SLC25A31: variants seen among roughly 807,000 people sequenced by gnomAD.
The protein encoded by SLC25A31 is solute carrier family 25 member 31.
Under a neutral mutation model 36.2 loss-of-function variants are expected in SLC25A31, and 40 were observed. The ratio of observed to expected loss-of-function variants is 1.10; its 90% CI spans 0.86 to 1.44. The LOEUF (loss-of-function observed/expected upper bound fraction) is 1.44, where lower values mean the gene tolerates loss of function less well. SLC25A31 is among the 40% of genes most tolerant of loss of function. The pLI is 0.00. For missense variants in SLC25A31, 350 were observed against 397.1 expected, an observed-to-expected ratio of 0.88 and a Z score of 1.01; for synonymous variants, 143 against 149.7, an observed-to-expected ratio of 0.96 and a Z score of 0.32.
At chr4:127,744,583 G>A (rs1731788753) in intron 1 of SLC25A31, 89 bp from the exon 2 acceptor site, 1 of 1,136,386 alleles carries the variant, frequency 8.8e-7, no homozygotes, top group Non-Finnish European at 1.2e-6. Context: ...GTATGTTTTA[G>A]ATAGTTCATA....
In SLC25A31 at chr4:127,765,583, G is replaced by A. The variant is rs138407368; in HGVS notation, c.478+1223G>A. 1.8e-4 allele frequency among the ~76,000 whole-genome samples: 27 copies of A among 152,146 alleles called. No individual in the cohort carries two copies. In the East Asian group the frequency reaches 2.1e-3, roughly 12 times the overall value. On this transcript the variant is annotated intron_variant, in intron 3 of 5. Transcript: ENST00000281154. ...AGGGCGTGTGTGAGTGTGTATATGC[G>A]TATATATATGCACACATATTCACAC...
chr4:127,767,328 G>A (rs1365921672), intron 4 of SLC25A31, 108 bp downstream of exon 4: 6 of 1,089,040 alleles, frequency 5.5e-6, no homozygotes, highest in African/African-American at 1.6e-5. Context: ...ATAAAAATCA[G>A]TGATGAAAAA....
intron 3 of SLC25A31, 90 bp from the exon 4 acceptor site, chr4:127,766,976 A>C (rs980208442): frequency 7.1e-6 from 8 of 1,125,322 alleles, no homozygotes; most frequent in Non-Finnish European, 5.9e-6. Flanking sequence ...TGGGAATTTC[A>C]GATCATTTAG....
chr4:127,773,270 T>C (rs1015832136), intron 5 of SLC25A31, 116 bp from the exon 6 acceptor site: 2 of 888,838 alleles, frequency 2.3e-6, no homozygotes, highest in African/African-American at 1.7e-5. Flanking sequence ...ATATGCCTAT[T>C]AACACAGTGC....
intron 1 of SLC25A31, among the ~76,000 whole-genome samples, chr4:127,737,705 C>T (rs540673787): frequency 6.6e-6 from 1 of 152,218 alleles, no homozygotes; most frequent in East Asian, 1.9e-4. Flanking sequence ...GCACATGCCA[C>T]CATGGCAGCT....
chr4:127,765,375 C>T (rs757690121), intron 3 of SLC25A31, among the ~76,000 whole-genome samples: 8 of 152,184 alleles, frequency 5.3e-5, no homozygotes, highest in Non-Finnish European at 8.8e-5. Flanking sequence ...ATTACCACTC[C>T]TCCCTATTCT....
intron 2 of SLC25A31, among the ~76,000 whole-genome samples, chr4:127,749,127 G>A (rs1193564907): frequency 6.7e-6 from 1 of 149,762 alleles, no homozygotes; most frequent in Non-Finnish European, 1.5e-5. Flanking sequence ...AGAATACAGT[G>A]ACAGAACTGA....
intron 5 of SLC25A31, among the ~76,000 whole-genome samples, chr4:127,770,830 A>G (rs1254899684): frequency 6.6e-6 from 1 of 152,000 alleles, no homozygotes; most frequent in Non-Finnish European, 1.5e-5. Context: ...TCTGAAGGCT[A>G]CAAGTCTGAG....
At chr4:127,770,154 T>C (rs1732325470) in intron 5 of SLC25A31, among the ~76,000 whole-genome samples, 1 of 152,234 alleles carries the variant, frequency 6.6e-6, no homozygotes, top group South Asian at 2.1e-4. Flanking sequence ...ATTCCATTTA[T>C]GTCTGTGTTT....
intron 2 of SLC25A31, among the ~76,000 whole-genome samples, chr4:127,746,108 C>G (rs982409426): frequency 3.3e-5 from 5 of 152,126 alleles, no homozygotes; most frequent in African/African-American, 1.2e-4. Flanking sequence ...GCCTCAAACT[C>G]TGTTCATGTT....
Position 127,740,912 on chromosome 4 carries a change from G to A in SLC25A31, c.233-3760G>A, listed in dbSNP as rs1307060377. 2.0e-5 allele frequency among the ~76,000 whole-genome samples: 3 copies of A among 152,170 alleles called. No homozygotes were observed. In the East Asian group the frequency reaches 5.8e-4, roughly 29 times the overall value. On this transcript the variant is annotated intron_variant, in intron 1 of 5. Transcript: ENST00000281154. The stretch of plus-strand genomic sequence containing the variant: ...AGGTGAGTGGGTGCTCCAAATGCCT[G>A]GATATCTCTTCAGTTTCTTTCATCA...
intron 3 of SLC25A31, among the ~76,000 whole-genome samples, chr4:127,766,342 A>G (rs1732243618): frequency 1.3e-5 from 2 of 151,318 alleles, no homozygotes; most frequent in Non-Finnish European, 2.9e-5. Context: ...TAATTTTTGT[A>G]TTTTTAATCG....
chr4:127,753,601 G>C (rs1391267831), intron 2 of SLC25A31, among the ~76,000 whole-genome samples: 2 of 152,068 alleles, frequency 1.3e-5, no homozygotes, highest in Non-Finnish European at 2.9e-5. Context: ...TAAATTCATA[G>C]AAACATACAA....
chr4:127,733,743 T>G (rs1220628530), intron 1 of SLC25A31, among the ~76,000 whole-genome samples: 1 of 152,214 alleles, frequency 6.6e-6, no homozygotes, highest in East Asian at 1.9e-4. Context: ...ATTGTTTTTA[T>G]GTTTTCTCTA....
At position 127,730,797 on chromosome 4, in the gene SLC25A31, C is replaced by T. The variant is rs1255259312; in HGVS notation, c.232+20C>T. ...AGCAGGGTGCGTCAAGGCAGGCCGC[C>T]CCGACAGCCTCTCCCGGCGCCCTCG... On this transcript the variant is annotated intron_variant, in intron 1 of 5. Coordinates refer to ENST00000281154, the MANE Select transcript of SLC25A31 (RefSeq NM_031291.4). 1 of 1,592,096 alleles carries T rather than the reference C, an allele frequency of 6.3e-7. No homozygotes were observed. The highest frequency in any genetic ancestry group is 1.7e-5 in the Admixed American group (1 of 59,262).
chr4:127,761,078 C>T (rs1484854615), intron 2 of SLC25A31, among the ~76,000 whole-genome samples: 2 of 152,138 alleles, frequency 1.3e-5, no homozygotes, highest in East Asian at 3.9e-4. Flanking sequence ...GGCTTTGTTA[C>T]ATAAATGCAG....
chr4:127,756,518 G>T (rs1041636293), intron 2 of SLC25A31, among the ~76,000 whole-genome samples: 1 of 152,092 alleles, frequency 6.6e-6, no homozygotes, highest in African/African-American at 2.4e-5. Flanking sequence ...GGGCTCTGTT[G>T]TACACCATGA....
chr4:127,735,020 T>G (rs1248444268), intron 1 of SLC25A31, among the ~76,000 whole-genome samples: 1 of 152,188 alleles, frequency 6.6e-6, no homozygotes, highest in Non-Finnish European at 1.5e-5. Context: ...ATTATCAGGT[T>G]TTAACTAAAT....
chr4:127,737,555 CT>C (rs201173691), intron 1 of SLC25A31, among the ~76,000 whole-genome samples: 1,938 of 145,812 alleles, frequency 0.013, 17 homozygotes, highest in Non-Finnish European at 0.021. Flanking sequence ...TTGTACTACT[CT>C]TTTTTTTTTT....
Sources: allele counts gnomAD v4.1 joint callset (sites outside exome capture counted in the v4.1 genomes callset), GRCh38; gene constraint gnomAD v4.1.1; transcripts MANE v1.5; gene names NCBI Gene and HGNC (gene_info 2026-07-23, HGNC 2026-07-21).